The following FUS variants were observed in gnomAD, a reference collection of about 807,000 sequenced individuals.
FUS encodes the protein FUS RNA binding protein.
FUS carries 5 observed loss-of-function variants against 82.7 expected under a neutral mutation model. The ratio of observed to expected loss-of-function variants is 0.06; its 90% confidence interval spans 0.03 to 0.13. The LOEUF is 0.13. Ranked by LOEUF, FUS falls within the 10% of genes least tolerant of loss-of-function variation. The pLI is 1.00. For synonymous variants in FUS, 281 were observed against 247.4 expected (o/e 1.14, Z -1.27); for missense variants, 512 against 707.8 (o/e 0.72, Z 3.14).
intron 1 of FUS, 151 bp from the exon 2 acceptor site, chr16:31,182,238 ACCTCGGCCT>A (rs1239923377): frequency 2.5e-6 from 2 of 799,652 alleles, no homozygotes; most frequent in Non-Finnish European, 2.2e-6. Flanking sequence ...TGATCCACCC[ACCTCGGCCT>A]CCCAAACTGC....
At chr16:31,191,958 T>A, downstream of FUS, 1 of 533,472 alleles carries the variant, frequency 1.9e-6, no homozygotes, top group Non-Finnish European at 3.6e-6. Context: ...ATGGTGAGGC[T>A]CAAACAAACT....
intron 7 of FUS, chr16:31,187,182 T>G: frequency 2.4e-6 from 1 of 414,312 alleles, no homozygotes; most frequent in Non-Finnish European, 4.5e-6. Context: ...CATCTTGGCT[T>G]TAGGATCCTT....
rs1428108595 is a variant in FUS at position 31,183,964 on chromosome 16, C to T, written c.297C>T (p.Gly99=). ...ACGGGCAGCAGTCCTCCTACCCTGG[C>T]TATGGCCAGCAGCCAGCTCCCAGCA... ...SSYGQQSSYP[G]YGQQPAPSST... Residue 99 remains glycine (G), a synonymous_variant, in exon 4 of 15, where the codon GGC becomes GGT. Coordinates refer to ENST00000254108, the MANE Select transcript of FUS (RefSeq NM_004960.4). 1 of 1,613,882 alleles carries T rather than the reference C, an allele frequency of 6.2e-7. No individual in the cohort carries two copies. The highest frequency in any genetic ancestry group is 8.5e-7 in the Non-Finnish European group (1 of 1,179,920).
At chr16:31,191,926 CTT>C (rs1241155455), downstream of FUS, 4 of 534,550 alleles carry the variant, frequency 7.5e-6, no homozygotes, top group East Asian at 3.9e-5. Context: ...TTTAAGAACT[CTT>C]TGATCTTTTG....
chr16:31,188,357 G>A lies in FUS; in HGVS notation c.832G>A (p.Glu278Lys). 6.2e-7 allele frequency: 1 copy of A among 1,613,340 alleles called. No individual in the cohort carries two copies. The highest frequency in any genetic ancestry group is 8.5e-7 in the Non-Finnish European group (1 of 1,179,850). ...PRDQGSRHDSEQDNSDNNTIF... is the reference protein window; with the variant it reads ...PRDQGSRHDSKQDNSDNNTIF... Reference sequence around the variant, plus strand: ...GGACCAAGGATCACGTCATGACTCCGGTGAGTTCACACGTGGTGGCATGAA... The same window carrying A: ...GGACCAAGGATCACGTCATGACTCCAGTGAGTTCACACGTGGTGGCATGAA... The change falls in exon 8 of 15, where the codon GAA becomes AAA. Residue 278 changes from glutamate (E) to lysine (K), a missense_variant and splice_region_variant. By Grantham distance (56) the Glu-to-Lys change is moderately conservative (BLOSUM62 1). Around this residue, in one of 6 missense-constraint regions of FUS, gnomAD observed 51 missense variants for 72.2 expected, o/e 0.71. Coordinates refer to ENST00000254108, the MANE Select transcript of FUS (RefSeq NM_004960.4).
intron 6 of FUS, chr16:31,186,289 T>C: frequency 3.3e-6 from 1 of 302,786 alleles, no homozygotes; most frequent in Non-Finnish European, 6.3e-6. Context: ...GGACAGAGCT[T>C]AGCTAAGTTT....
downstream of FUS, chr16:31,192,838 C>G (rs577063880): frequency 8.3e-6 from 4 of 483,560 alleles, no homozygotes; most frequent in South Asian, 6.2e-5. Context: ...TCCCAAAGTG[C>G]TGGAATTACA....
intron 1 of FUS, chr16:31,182,170 T>A: frequency 1.8e-6 from 1 of 550,206 alleles, no homozygotes; most frequent in Non-Finnish European, 3.3e-6. Flanking sequence ...TTTGTATTTT[T>A]ATTAGAGATG....
Position 31,189,646 on chromosome 16 carries a change from C to T in FUS, c.937-19C>T. 6.2e-7 allele frequency: 1 copy of T among 1,614,016 alleles called. No individual in the cohort carries two copies. Among genetic ancestry groups the T allele is most frequent in the South Asian group, 1.1e-5 (1 of 91,066 alleles). On this transcript the variant is annotated intron_variant, in intron 9 of 14. Coordinates refer to ENST00000254108, the MANE Select transcript of FUS (RefSeq NM_004960.4). ...CTGTAGCCTTTAAAATTGATGTTAC[C>T]TCATTTTGCTTTCTTCAGACAAACA...
chr16:31,193,466 C>G (rs1370401692), downstream of FUS: 1 of 527,996 alleles, frequency 1.9e-6, no homozygotes, highest in African/African-American at 1.9e-5. Flanking sequence ...GGTGCTTTGC[C>G]TAGCAGGATT....
chr16:31,183,856 A>G lies in FUS; in HGVS notation c.191-2A>G, dbSNP rs1369500467. On this transcript the variant is annotated splice_acceptor_variant, in intron 3 of 14. Transcript: ENST00000254108. LOFTEE classifies it high-confidence loss of function. The stretch of plus-strand genomic sequence containing the variant: ...GTGACTCCCTTTTTCTTATCCTGGT[A>G]GCAGGCTATGGAACTCAGTCAACTC... 6.2e-7 allele frequency: 1 copy of G among 1,613,968 alleles called. No individual in the cohort carries two copies. The highest frequency in any genetic ancestry group is 8.5e-7 in the Non-Finnish European group (1 of 1,180,030).
chr16:31,187,024 A>C (rs1567474309), intron 7 of FUS, 188 bp downstream of exon 7: 1 of 662,972 alleles, frequency 1.5e-6, no homozygotes, highest in Non-Finnish European at 2.7e-6. Context: ...AGGTAGGGGT[A>C]AGACTCAATA....
chr16:31,190,552 G>A (rs892678789), intron 12 of FUS, 154 bp downstream of exon 12: 11 of 1,265,156 alleles, frequency 8.7e-6, no homozygotes, highest in Non-Finnish European at 1.2e-5. Context: ...TAAGGTTGAT[G>A]TAATGGGAAA....
rs191000189 is a variant in FUS, at chr16:31,190,556, T to A, written c.1292+158T>A. 6 of 1,237,452 alleles carry A rather than the reference T, an allele frequency of 4.8e-6. No homozygotes were observed. In the Admixed American group the frequency reaches 8.5e-5, roughly 18 times the overall value. 76.7% of individuals were successfully genotyped at this position (1,237,452 alleles called of 1,614,324 possible). A position where few individuals can be genotyped will look rare whatever the true frequency, so the allele number is the denominator to read the frequency against. Reference sequence around the variant, plus strand: ...GCTTACCTAGGTAAGGTTGATGTAATGGGAAAGGTAATGGATTGGGTTCAG... The same window carrying A: ...GCTTACCTAGGTAAGGTTGATGTAAAGGGAAAGGTAATGGATTGGGTTCAG... On this transcript the variant is annotated intron_variant, in intron 12 of 14. Transcript: ENST00000254108.
At chr16:31,191,850 G>A (rs1339589394), downstream of FUS, 1 of 551,400 alleles carries the variant, frequency 1.8e-6, no homozygotes, top group South Asian at 1.5e-5. Context: ...CCAGCTATGG[G>A]GAATTTTTCC....
chr16:31,184,104 G>T, intron 4 of FUS, 102 bp downstream of exon 4: 1 of 1,612,276 alleles, frequency 6.2e-7, no homozygotes, highest in Non-Finnish European at 8.5e-7. Flanking sequence ...TGTAATTGGG[G>T]TAGGGGAGCC....
chr16:31,188,665 T>TC, intron 8 of FUS: 1 of 514,850 alleles, frequency 1.9e-6, no homozygotes, highest in Non-Finnish European at 3.4e-6. Context: ...AGTGGTTCTT[T>TC]CAAAATGTGG....
intron 6 of FUS, 146 bp downstream of exon 6, chr16:31,185,325 C>G: frequency 1.1e-6 from 1 of 951,538 alleles, no homozygotes. Flanking sequence ...CAGTGACTTT[C>G]TTTTTACATC....
chr16:31,191,642 A>AT (rs1194131111), downstream of FUS: 4 of 710,744 alleles, frequency 5.6e-6, no homozygotes, highest in Non-Finnish European at 1.0e-5. Flanking sequence ...TTCCTGGAAG[A>AT]TCGATGTCCC....
Sources: allele counts gnomAD v4.1 joint callset, GRCh38; gene constraint gnomAD v4.1.1; regional missense constraint gnomAD v4.1.1; transcripts MANE v1.5; gene names NCBI Gene and HGNC (gene_info 2026-07-23, HGNC 2026-07-21).